Variants in HCRTR2 observed in about 807,000 individuals in gnomAD.
The protein encoded by HCRTR2 is orexin receptor type 2.
In HCRTR2, 22 loss-of-function variants were observed where a neutral mutation model predicts 49.0. The observed-to-expected ratio is 0.45, with a 90% CI of 0.32 to 0.64. The LOEUF is 0.64. HCRTR2 is among the 30% of genes least tolerant of loss of function. The pLI is 0.04. For synonymous variants in HCRTR2, 236 were observed against 205.3 expected (o/e 1.15, Z -1.28); for missense variants, 491 against 559.4 (o/e 0.88, Z 1.23).
At chr6:55,114,552 C>G (rs919290399) in intron 1 of HCRTR2, among the ~76,000 whole-genome samples, 1 of 151,780 alleles carries the variant, frequency 6.6e-6, no homozygotes, top group East Asian at 1.9e-4. Flanking sequence ...GAAAGCCATT[C>G]AGAATTTCTA....
intron 1 of HCRTR2, among the ~76,000 whole-genome samples, chr6:55,166,485 ACACACACAACG>A (rs1222848114): frequency 1.3e-5 from 2 of 152,062 alleles, no homozygotes; most frequent in Non-Finnish European, 2.9e-5. Flanking sequence ...GAGACTTAAA[ACACACACAACG>A]CACACACAAA....
At chr6:55,223,142 C>T (rs981216882) in intron 1 of HCRTR2, among the ~76,000 whole-genome samples, 19 of 152,104 alleles carry the variant, frequency 1.2e-4, no homozygotes, top group African/African-American at 4.6e-4. Context: ...TAGTTTGTTT[C>T]CCATTTTTAT....
intron 4 of HCRTR2, among the ~76,000 whole-genome samples, chr6:55,268,029 A>G (rs1324354036): frequency 6.6e-6 from 1 of 152,216 alleles, no homozygotes; most frequent in Non-Finnish European, 1.5e-5. Flanking sequence ...GATTCACCTT[A>G]TAATGTATAC....
At chr6:55,128,029 T>A (rs921044679) in intron 1 of HCRTR2, among the ~76,000 whole-genome samples, 1 of 152,212 alleles carries the variant, frequency 6.6e-6, no homozygotes, top group African/African-American at 2.4e-5. Flanking sequence ...TTGCCCAGGT[T>A]GTCTTCAGAA....
intron 4 of HCRTR2, among the ~76,000 whole-genome samples, chr6:55,268,931 A>G (rs987259551): frequency 6.6e-6 from 1 of 151,854 alleles, no homozygotes; most frequent in South Asian, 2.1e-4. Context: ...TCTACTAAAG[A>G]TACAAAAAAT....
chr6:55,179,200 C>A (rs1384506341), intron 1 of HCRTR2, among the ~76,000 whole-genome samples: 4 of 152,036 alleles, frequency 2.6e-5, no homozygotes. Context: ...TCTCCGAATG[C>A]CCATTTTAGT....
chr6:55,240,592 G>T (rs1766308876), intron 1 of HCRTR2, among the ~76,000 whole-genome samples: 1 of 152,102 alleles, frequency 6.6e-6, no homozygotes, highest in East Asian at 1.9e-4. Flanking sequence ...ATTGGCTCAG[G>T]AAGACAAGGG....
At chr6:55,131,288 C>G (rs535637019) in intron 1 of HCRTR2, among the ~76,000 whole-genome samples, 1 of 151,468 alleles carries the variant, frequency 6.6e-6, no homozygotes, top group Admixed American at 6.6e-5. Flanking sequence ...CAGATTTTAC[C>G]TGTTTGGGGA....
intron 1 of HCRTR2, among the ~76,000 whole-genome samples, chr6:55,145,841 G>A (rs1764574131): frequency 6.6e-6 from 1 of 151,680 alleles, no homozygotes; most frequent in African/African-American, 2.4e-5. Context: ...AAAAAAGCTG[G>A]TATCCAATCT....
At chr6:55,239,771 A>AT (rs1303781152) in intron 1 of HCRTR2, among the ~76,000 whole-genome samples, 166 of 148,244 alleles carry the variant, frequency 1.1e-3, no homozygotes, top group South Asian at 5.5e-3. Context: ...ATAGGCGGTA[A>AT]ATTTTTTTTT....
intron 1 of HCRTR2, among the ~76,000 whole-genome samples, chr6:55,235,337 T>C (rs770015535): frequency 6.6e-5 from 10 of 152,060 alleles, no homozygotes; most frequent in Non-Finnish European, 1.3e-4. Flanking sequence ...GATAATTCAA[T>C]AAAAATATCT....
At chr6:55,167,353 A>G (rs1438948441) in intron 1 of HCRTR2, among the ~76,000 whole-genome samples, 1 of 152,146 alleles carries the variant, frequency 6.6e-6, no homozygotes, top group Non-Finnish European at 1.5e-5. Context: ...TATGGAGTTC[A>G]TTGTATGTAT....
chr6:55,173,191 C>A (rs1032698109), upstream of HCRTR2, among the ~76,000 whole-genome samples: 3 of 152,182 alleles, frequency 2.0e-5, no homozygotes, highest in African/African-American at 7.2e-5. Context: ...AAGATGCAAA[C>A]TAGGAATTAG....
intron 4 of HCRTR2, among the ~76,000 whole-genome samples, chr6:55,267,654 C>T (rs934501917): frequency 7.2e-5 from 11 of 152,066 alleles, no homozygotes; most frequent in African/African-American, 2.7e-4. Flanking sequence ...TGAGGATGGA[C>T]TGTAATAGAT....
At chr6:55,162,904 A>G (rs899238010) in intron 1 of HCRTR2, among the ~76,000 whole-genome samples, 1 of 152,178 alleles carries the variant, frequency 6.6e-6, no homozygotes, top group African/African-American at 2.4e-5. Context: ...AAAATAATTT[A>G]TAGACTCAAT....
chr6:55,198,129 T>C (rs1336272562), intron 1 of HCRTR2, among the ~76,000 whole-genome samples: 1 of 152,156 alleles, frequency 6.6e-6, no homozygotes, highest in Non-Finnish European at 1.5e-5. Context: ...AAACTACATG[T>C]AGCACTAATG....
At chr6:55,250,393 G>A (rs1346872616) in intron 2 of HCRTR2, among the ~76,000 whole-genome samples, 6 of 152,044 alleles carry the variant, frequency 3.9e-5, no homozygotes, top group Admixed American at 3.9e-4. Context: ...TTATCTCTGT[G>A]GTACTTCCAG....
chr6:55,237,424 T>A (rs183300711), intron 1 of HCRTR2, among the ~76,000 whole-genome samples: 4 of 152,312 alleles, frequency 2.6e-5, no homozygotes, highest in Non-Finnish European at 2.9e-5. Flanking sequence ...TCAGAGTTCA[T>A]AACTTGGAGT....
At chr6:55,239,772 ATT>A (rs35160150) in intron 1 of HCRTR2, among the ~76,000 whole-genome samples, 88 of 121,334 alleles carry the variant, frequency 7.3e-4, no homozygotes, top group African/African-American at 2.3e-3. Context: ...TAGGCGGTAA[ATT>A]TTTTTTTTTT....
Sources: gnomAD v4.1 joint callset for allele counts (sites outside exome capture counted in the v4.1 genomes callset) on GRCh38, gnomAD v4.1.1 for gene constraint, MANE v1.5 for transcripts, NCBI Gene and HGNC (gene_info 2026-07-23, HGNC 2026-07-21) for gene names.